TMEM17: variants seen among roughly 807,000 people sequenced by gnomAD.
The protein encoded by TMEM17 is transmembrane protein 17.
A neutral mutation model predicts 19.1 loss-of-function variants in TMEM17; 15 were observed. That is an observed-to-expected ratio of 0.78 (90% confidence interval 0.52 to 1.21). The LOEUF (loss-of-function observed/expected upper bound fraction) is 1.21. Among genes scored for constraint, TMEM17 ranks in the 50% most tolerant of loss-of-function variants. The pLI, the probability that TMEM17 is intolerant of heterozygous loss-of-function variation, is 0.00. For missense variants in TMEM17, 245 were observed against 242.3 expected (o/e 1.01, Z -0.07); for synonymous variants, 103 against 86.9 (o/e 1.19, Z -1.03).
chr2:62,465,169 C>G, the TMEM17 span, among the ~76,000 whole-genome samples: 1 of 152,098 alleles, frequency 6.6e-6, no homozygotes, highest in African/African-American at 2.4e-5. Context: ...CTCCCAAAGT[C>G]GGTGAGGCCT....
chr2:62,476,870 C>T, the TMEM17 span, among the ~76,000 whole-genome samples: 1 of 152,190 alleles, frequency 6.6e-6, no homozygotes, highest in Non-Finnish European at 1.5e-5. Context: ...CCACAAGGCC[C>T]TGGCATTTAT....
At chr2:62,493,228 A>G in the TMEM17 span, among the ~76,000 whole-genome samples, 1 of 151,698 alleles carries the variant, frequency 6.6e-6, no homozygotes, top group Non-Finnish European at 1.5e-5. Flanking sequence ...GGGCATCACT[A>G]TGTTGCCCAG....
At chr2:62,460,281 A>C in the TMEM17 span, among the ~76,000 whole-genome samples, 1 of 152,176 alleles carries the variant, frequency 6.6e-6, no homozygotes, top group Non-Finnish European at 1.5e-5. Context: ...CCATGAGTTG[A>C]TCAGTTTTCC....
the TMEM17 span, among the ~76,000 whole-genome samples, chr2:62,465,825 T>C: frequency 1.3e-5 from 2 of 152,138 alleles, no homozygotes; most frequent in Non-Finnish European, 2.9e-5. Context: ...CAACAGCAGA[T>C]ACTTAGATGT....
chr2:62,472,369 T>C, the TMEM17 span, among the ~76,000 whole-genome samples: 4 of 152,160 alleles, frequency 2.6e-5, no homozygotes, highest in African/African-American at 9.7e-5. Flanking sequence ...TCATGGTCCA[T>C]GTCTATTTGA....
the TMEM17 span, among the ~76,000 whole-genome samples, chr2:62,470,472 C>T: frequency 1.3e-5 from 2 of 152,224 alleles, no homozygotes; most frequent in African/African-American, 4.8e-5. Context: ...GATTTGGGCT[C>T]ATGCCACAGC....
downstream of TMEM17, among the ~76,000 whole-genome samples, chr2:62,495,955 T>C (rs1573429148): frequency 6.6e-6 from 1 of 152,244 alleles, no homozygotes; most frequent in East Asian, 1.9e-4. Flanking sequence ...CAGTTTTTAT[T>C]GTGTCACATC....
the TMEM17 span, among the ~76,000 whole-genome samples, chr2:62,474,348 G>A: frequency 6.6e-6 from 1 of 152,144 alleles, no homozygotes; most frequent in Non-Finnish European, 1.5e-5. Flanking sequence ...AATGTTTGCA[G>A]CCACAGCATT....
chr2:62,475,988 A>G, the TMEM17 span, among the ~76,000 whole-genome samples: 52 of 152,146 alleles, frequency 3.4e-4, no homozygotes, highest in Non-Finnish European at 4.0e-4. Flanking sequence ...AGGGAGAGGG[A>G]GCCAGCTCAG....
chr2:62,455,489 G>A, the TMEM17 span, among the ~76,000 whole-genome samples: 5 of 152,330 alleles, frequency 3.3e-5, no homozygotes, highest in South Asian at 2.1e-4. Context: ...AAAACTGGCC[G>A]GGCACAGTGG....
the TMEM17 span, among the ~76,000 whole-genome samples, chr2:62,492,102 C>T: frequency 6.6e-6 from 1 of 152,138 alleles, no homozygotes; most frequent in Non-Finnish European, 1.5e-5. Flanking sequence ...GAGCAATGTT[C>T]CTGCTTTGGC....
At chr2:62,454,328 C>T in the TMEM17 span, among the ~76,000 whole-genome samples, 1 of 152,172 alleles carries the variant, frequency 6.6e-6, no homozygotes. Flanking sequence ...AAAGCAGAGG[C>T]ATCAGGCATG....
At chr2:62,485,350 C>T in the TMEM17 span, among the ~76,000 whole-genome samples, 3 of 152,140 alleles carry the variant, frequency 2.0e-5, no homozygotes, top group Admixed American at 6.6e-5. Flanking sequence ...TTCTTTCTCC[C>T]GAAAACCTAC....
At chr2:62,478,431 A>G in the TMEM17 span, among the ~76,000 whole-genome samples, 3 of 152,242 alleles carry the variant, frequency 2.0e-5, no homozygotes, top group Non-Finnish European at 2.9e-5. Context: ...CAGCTGCCAC[A>G]GGAGACCCAG....
intron 1 of TMEM17, among the ~76,000 whole-genome samples, chr2:62,504,814 G>A (rs2103735449): frequency 1.3e-5 from 2 of 152,252 alleles, no homozygotes; most frequent in Non-Finnish European, 2.9e-5. Context: ...AAATCCATAT[G>A]AAATACAAAT....
chr2:62,460,629 A>T, the TMEM17 span, among the ~76,000 whole-genome samples: 1 of 152,240 alleles, frequency 6.6e-6, no homozygotes, highest in Non-Finnish European at 1.5e-5. Flanking sequence ...AAGGTTGCTC[A>T]GAGGCTATCA....
chr2:62,460,432 G>A, the TMEM17 span, among the ~76,000 whole-genome samples: 2 of 152,144 alleles, frequency 1.3e-5, no homozygotes, highest in African/African-American at 4.8e-5. Context: ...GTGCTCCCAC[G>A]TTTTTGTCAT....
the TMEM17 span, chr2:62,463,306 A>G: frequency 6.6e-6 from 1 of 152,248 alleles, no homozygotes; most frequent in Admixed American, 6.5e-5. Flanking sequence ...AATTATTAGC[A>G]TTGGGACCTC....
the TMEM17 span, among the ~76,000 whole-genome samples, chr2:62,453,732 G>A: frequency 6.6e-6 from 1 of 152,270 alleles, no homozygotes; most frequent in Admixed American, 6.5e-5. Flanking sequence ...CTCTGTTTTA[G>A]GCCTACACTT....
Sources: allele counts gnomAD v4.1 joint callset (sites outside exome capture counted in the v4.1 genomes callset), GRCh38; gene constraint gnomAD v4.1.1; transcripts MANE v1.5; gene names NCBI Gene and HGNC (gene_info 2026-07-23, HGNC 2026-07-21).